TENM3: variants seen among roughly 807,000 people sequenced by gnomAD.
The protein encoded by TENM3 is teneurin transmembrane protein 3.
In TENM3, 63 loss-of-function variants were observed where a neutral mutation model predicts 255.1. The ratio of observed to expected loss-of-function variants is 0.25; its 90% CI spans 0.20 to 0.30. The LOEUF (loss-of-function observed/expected upper bound fraction) is 0.30, where lower values mean the gene tolerates loss of function less well. Among genes scored for constraint, TENM3 ranks in the 10% least tolerant of loss-of-function variants. The pLI is 1.00. For synonymous variants in TENM3, 1,306 were observed against 1,322.3 expected, an observed-to-expected ratio of 0.99 and a Z score of 0.27; for missense variants, 2,929 against 3,461.1, an observed-to-expected ratio of 0.85 and a Z score of 3.86.
At chr4:181,748,053 G>A in the TENM3 span, among the ~76,000 whole-genome samples, 2 of 151,990 alleles carry the variant, frequency 1.3e-5, no homozygotes, top group African/African-American at 4.8e-5. Flanking sequence ...GAGGACAGGA[G>A]TAAGTGCTCC....
intron 1 of TENM3, among the ~76,000 whole-genome samples, chr4:182,266,010 A>G (rs1332060533): frequency 6.6e-6 from 1 of 152,222 alleles, no homozygotes; most frequent in Non-Finnish European, 1.5e-5. Context: ...CTTAAAATTT[A>G]CCTACCTTAC....
At chr4:182,777,857 A>T (rs943394829) in intron 24 of TENM3, among the ~76,000 whole-genome samples, 152 of 67,622 alleles carry the variant, frequency 2.2e-3, no homozygotes, top group African/African-American at 0.021. Flanking sequence ...ATATGCTGTT[A>T]TATATATATA....
intron 3 of TENM3, among the ~76,000 whole-genome samples, chr4:182,532,554 T>G (rs1484286135): frequency 2.0e-5 from 3 of 152,218 alleles, no homozygotes; most frequent in Non-Finnish European, 4.4e-5. Flanking sequence ...AATAAAAAAT[T>G]TTACTGAGCT....
intron 3 of TENM3, among the ~76,000 whole-genome samples, chr4:182,429,475 C>G (rs1771468876): frequency 6.6e-6 from 1 of 152,080 alleles, no homozygotes; most frequent in African/African-American, 2.4e-5. Flanking sequence ...TACTTAAGTA[C>G]TTATTATTAC....
chr4:182,694,069 G>A (rs1474446644), intron 12 of TENM3, among the ~76,000 whole-genome samples: 3 of 151,996 alleles, frequency 2.0e-5, no homozygotes, highest in East Asian at 3.9e-4. Flanking sequence ...GTATGTTTGG[G>A]TTAAGGGTTT....
intron 22 of TENM3, among the ~76,000 whole-genome samples, chr4:182,771,753 G>T (rs55667510): frequency 6.6e-6 from 1 of 152,170 alleles, no homozygotes; most frequent in Non-Finnish European, 1.5e-5. Flanking sequence ...TCAAAAAAGC[G>T]ATCACAGCAA....
the TENM3 span, among the ~76,000 whole-genome samples, chr4:181,555,381 G>T: frequency 6.6e-6 from 1 of 152,128 alleles, no homozygotes; most frequent in African/African-American, 2.4e-5. Context: ...TAAGTGGACA[G>T]AAAAGTACCA....
At chr4:182,711,868 G>GT (rs1489271655) in intron 12 of TENM3, among the ~76,000 whole-genome samples, 1 of 151,866 alleles carries the variant, frequency 6.6e-6, no homozygotes, top group African/African-American at 2.4e-5. Context: ...TACATTTGCT[G>GT]TTTTTTGGTT....
chr4:182,658,800 A>G (rs549917137), intron 6 of TENM3, among the ~76,000 whole-genome samples: 1 of 152,326 alleles, frequency 6.6e-6, no homozygotes, highest in Admixed American at 6.5e-5. Flanking sequence ...AGTCCAGGGT[A>G]GCTCACTCAC....
chr4:182,127,738 G>A, the TENM3 span, among the ~76,000 whole-genome samples: 6 of 152,242 alleles, frequency 3.9e-5, no homozygotes, highest in African/African-American at 1.4e-4. Context: ...TTTCAAAAAT[G>A]GAGTTATCAA....
At chr4:182,279,472 A>T (rs1287817123) in intron 1 of TENM3, among the ~76,000 whole-genome samples, 1 of 152,140 alleles carries the variant, frequency 6.6e-6, no homozygotes, top group Non-Finnish European at 1.5e-5. Context: ...CCCACATGCA[A>T]GGCAGGGCCC....
the TENM3 span, among the ~76,000 whole-genome samples, chr4:181,798,102 T>C: frequency 2.0e-5 from 3 of 151,888 alleles, no homozygotes; most frequent in African/African-American, 7.3e-5. Flanking sequence ...TGTGTGTGTG[T>C]GTGTGTGTGT....
intron 3 of TENM3, among the ~76,000 whole-genome samples, chr4:182,381,611 A>AT (rs1425727549): frequency 1.2e-4 from 15 of 127,004 alleles, no homozygotes; most frequent in Non-Finnish European, 2.2e-4. Flanking sequence ...GCTGGAGTGC[A>AT]ATGGTGTGAT....
At chr4:182,215,193 T>A (rs1755372646) in intron 1 of TENM3, among the ~76,000 whole-genome samples, 1 of 152,142 alleles carries the variant, frequency 6.6e-6, no homozygotes, top group Non-Finnish European at 1.5e-5. Flanking sequence ...GCTTTAATAG[T>A]GGGCAAGGAC....
chr4:182,636,003 C>G (rs924637535), intron 5 of TENM3, among the ~76,000 whole-genome samples: 1 of 152,020 alleles, frequency 6.6e-6, no homozygotes, highest in African/African-American at 2.4e-5. Context: ...ATTCTTTTTT[C>G]TTTTTGGACA....
chr4:182,191,453 C>T (rs896051399), intron 1 of TENM3, among the ~76,000 whole-genome samples: 7 of 152,132 alleles, frequency 4.6e-5, no homozygotes, highest in Non-Finnish European at 1.0e-4. Flanking sequence ...GATGCCGCCT[C>T]CCTTAGAGTG....
chr4:182,375,580 T>C (rs1271313018), intron 3 of TENM3, among the ~76,000 whole-genome samples: 1 of 152,158 alleles, frequency 6.6e-6, no homozygotes, highest in East Asian at 1.9e-4. Context: ...CTTACTCTGT[T>C]GCTCAGGCTG....
chr4:182,634,946 C>T (rs903936617), intron 5 of TENM3, among the ~76,000 whole-genome samples: 1 of 152,086 alleles, frequency 6.6e-6, no homozygotes, highest in African/African-American at 2.4e-5. Flanking sequence ...ACATTATTGA[C>T]GCATTGCTAC....
At chr4:181,956,408 A>G in the TENM3 span, among the ~76,000 whole-genome samples, 19 of 152,284 alleles carry the variant, frequency 1.2e-4, no homozygotes, top group Admixed American at 1.2e-3. Flanking sequence ...TTGTATGCCA[A>G]CCTCTCATGG....
Sources: allele counts gnomAD v4.1 joint callset (sites outside exome capture counted in the v4.1 genomes callset), GRCh38; gene constraint gnomAD v4.1.1; transcripts MANE v1.5; gene names NCBI Gene and HGNC (gene_info 2026-07-23, HGNC 2026-07-21).